DMD: variants seen among roughly 807,000 people sequenced by gnomAD.
DMD encodes the protein dystrophin.
Under a neutral mutation model 330.1 loss-of-function variants are expected in DMD, and 63 were observed. That is an observed-to-expected ratio of 0.19 (90% CI 0.16 to 0.24). The LOEUF (loss-of-function observed/expected upper bound fraction) is 0.24. DMD is among the 10% of genes least tolerant of loss of function. The pLI is 1.00. For synonymous variants in DMD, 1,223 were observed against 959.8 expected (o/e 1.27, Z -5.07); for missense variants, 3,344 against 2,684.1 (o/e 1.25, Z -5.43).
chrX:32,151,287 C>T (rs998726767), intron 44 of DMD: 7 of 111,526 alleles, frequency 6.3e-5, no homozygotes, highest in African/African-American at 9.8e-5. Flanking sequence ...GGCTAAGAAA[C>T]GGATAGGATG....
At chrX:32,510,810 G>A (rs974412123) in intron 18 of DMD, among the ~76,000 whole-genome samples, 3 of 111,088 alleles carry the variant, frequency 2.7e-5, no homozygotes, top group Non-Finnish European at 5.7e-5. Flanking sequence ...TATTAGTTAG[G>A]GAGTTGGGCA....
intron 21 of DMD, among the ~76,000 whole-genome samples, chrX:32,482,679 C>A (rs1284385086): frequency 2.7e-5 from 3 of 111,626 alleles, no homozygotes; most frequent in African/African-American, 9.7e-5. Context: ...ACCCCATTAG[C>A]TTACTTGTGA....
At chrX:31,898,609 A>T (rs1372592529) in intron 47 of DMD, among the ~76,000 whole-genome samples, 1 of 112,041 alleles carries the variant, frequency 8.9e-6, no homozygotes, top group Non-Finnish European at 1.9e-5. Flanking sequence ...ACCTTATACA[A>T]AAATCAATTC....
intron 21 of DMD, among the ~76,000 whole-genome samples, chrX:32,477,866 G>A (rs1438511365): frequency 9.0e-6 from 1 of 111,385 alleles, no homozygotes; most frequent in African/African-American, 3.3e-5. Flanking sequence ...CGTCCGTTAA[G>A]CACTTGAAAC....
Position 32,595,708 on chromosome X carries a change from A to T in DMD, c.1602+49T>A, listed in dbSNP as rs1233510036. Reference sequence around the variant, plus strand: ...AAATTTTTAAAATACTTTTCAAGTTATAGTTCTTTTAAAGGACATATTTAG... The same window carrying T: ...AAATTTTTAAAATACTTTTCAAGTTTTAGTTCTTTTAAAGGACATATTTAG... On this transcript the variant is annotated intron_variant, in intron 13 of 78. Coordinates refer to ENST00000357033, the MANE Select transcript of DMD (RefSeq NM_004006.3). The T allele has an allele frequency of 6.9e-6, 8 of 1,154,116 alleles. No individual in the cohort carries two copies. The East Asian group carries it at 2.1e-4, about 30-fold the overall frequency.
At chrX:32,737,578 A>T (rs763411001) in intron 7 of DMD, among the ~76,000 whole-genome samples, 8 of 111,558 alleles carry the variant, frequency 7.2e-5, no homozygotes, top group Non-Finnish European at 1.5e-4. Flanking sequence ...CATTAGATAA[A>T]ACTGAATGAT....
intron 7 of DMD, among the ~76,000 whole-genome samples, chrX:32,795,667 G>C (rs967371205): frequency 8.9e-6 from 1 of 112,168 alleles, no homozygotes; most frequent in African/African-American, 3.2e-5. Context: ...ATTCAACAGA[G>C]TGAAGAGACA....
chrX:32,873,940 C>T (rs1016099991), intron 2 of DMD, among the ~76,000 whole-genome samples: 1 of 112,076 alleles, frequency 8.9e-6, no homozygotes, highest in African/African-American at 3.2e-5. Flanking sequence ...ATCAGAGTTT[C>T]TCAACATTTG....
At chrX:32,300,359 G>A (rs1247475239) in intron 42 of DMD, among the ~76,000 whole-genome samples, 1 of 111,123 alleles carries the variant, frequency 9.0e-6, no homozygotes, top group East Asian at 2.8e-4. Context: ...GCATTTCCTG[G>A]CTGAGTTTCC....
intron 45 of DMD, among the ~76,000 whole-genome samples, chrX:31,951,177 A>ATATATATATATATG (rs1569521343): frequency 1.4e-4 from 13 of 90,423 alleles, no homozygotes; most frequent in Non-Finnish European, 2.2e-4. Context: ...ATATATATGT[A>ATATATATATATATG]TATATATATA....
chrX:31,602,992 A>G (rs1382958605), intron 55 of DMD, among the ~76,000 whole-genome samples: 1 of 111,594 alleles, frequency 9.0e-6, no homozygotes, highest in Non-Finnish European at 1.9e-5. Flanking sequence ...GCTTGGCCAC[A>G]AGACATGTTT....
intron 52 of DMD, among the ~76,000 whole-genome samples, chrX:31,721,828 T>A (rs1257038501): frequency 2.9e-5 from 3 of 104,567 alleles, no homozygotes; most frequent in Non-Finnish European, 5.8e-5. Context: ...GAATTGATAA[T>A]ACAGGTGAAA....
chrX:32,888,561 G>C lies in DMD; in HGVS notation c.94-38741C>G, dbSNP rs1361225443. Among the ~76,000 whole-genome samples, 4 of 111,053 alleles carry C rather than the reference G, an allele frequency of 3.6e-5. No individual in the cohort carries two copies. In the East Asian group the frequency reaches 8.5e-4, roughly 24 times the overall value. On this transcript the variant is annotated intron_variant, in intron 2 of 78. Transcript: ENST00000357033. Reference sequence around the variant, plus strand: ...GAGGGAAACCTTGGACCCTTAATGGGAACATAAATAGGTACAGCCATTATG... The same window carrying C: ...GAGGGAAACCTTGGACCCTTAATGGCAACATAAATAGGTACAGCCATTATG...
intron 55 of DMD, among the ~76,000 whole-genome samples, chrX:31,509,869 A>G (rs950854118): frequency 7.1e-5 from 8 of 112,138 alleles, no homozygotes; most frequent in African/African-American, 2.6e-4. Context: ...TCTGTCTTTA[A>G]TTTTCCTAAA....
intron 2 of DMD, among the ~76,000 whole-genome samples, chrX:32,997,216 T>C (rs774321532): frequency 2.4e-4 from 26 of 110,264 alleles, no homozygotes; most frequent in African/African-American, 8.5e-4. Context: ...TGTAGGTGTA[T>C]AAATTTCTGG....
chrX:33,046,915 A>C (rs751784728), intron 1 of DMD, among the ~76,000 whole-genome samples: 5 of 112,175 alleles, frequency 4.5e-5, no homozygotes, highest in Non-Finnish European at 9.4e-5. Context: ...GTTAATCCAC[A>C]TTACATATGA....
At chrX:32,120,758 A>T (rs1400813218) in intron 44 of DMD, among the ~76,000 whole-genome samples, 1 of 112,181 alleles carries the variant, frequency 8.9e-6, no homozygotes, top group East Asian at 2.8e-4. Context: ...TACAACTTCC[A>T]GGGTTACTTG....
At chrX:32,870,980 A>AAAAAAAAAAAAAAAAAAAAAAAAG (rs770375159) in intron 2 of DMD, among the ~76,000 whole-genome samples, 1 of 37,209 alleles carries the variant, frequency 2.7e-5, no homozygotes, top group African/African-American at 9.5e-5. Context: ...AAAAAAAAAA[A>AAAAAAAAAAAAAAAAAAAAAAAAG]AAAAAAAACC....
chrX:33,262,934 T>C (rs1430373741), intron 1 of DMD, among the ~76,000 whole-genome samples: 2 of 109,945 alleles, frequency 1.8e-5, no homozygotes, highest in Non-Finnish European at 3.8e-5. Flanking sequence ...TAATAAAGGG[T>C]CAATGAATAT....
Sources: allele counts gnomAD v4.1 joint callset (sites outside exome capture counted in the v4.1 genomes callset), GRCh38; gene constraint gnomAD v4.1.1; transcripts MANE v1.5; gene names NCBI Gene and HGNC (gene_info 2026-07-23, HGNC 2026-07-21).